PARP9: variants seen among roughly 807,000 people sequenced by gnomAD.
PARP9 encodes the protein protein mono-ADP-ribosyltransferase PARP9.
PARP9 carries 48 observed loss-of-function variants against 68.8 expected under a neutral mutation model. The ratio of observed to expected loss-of-function variants is 0.70; its 90% CI spans 0.55 to 0.89. The LOEUF (loss-of-function observed/expected upper bound fraction) is 0.89, where lower values mean the gene tolerates loss of function less well. Among genes scored for constraint, PARP9 ranks in the 40% least tolerant of loss-of-function variants. The pLI is 0.00. For synonymous variants in PARP9, 309 were observed against 333.8 expected (o/e 0.93, Z 0.81); for missense variants, 806 against 969.3 (o/e 0.83, Z 2.24).
chr3:122,546,461 C>CCT (rs1486162602), intron 6 of PARP9, among the ~76,000 whole-genome samples: 6 of 152,292 alleles, frequency 3.9e-5, no homozygotes, highest in Middle Eastern at 3.4e-3. Flanking sequence ...TATAAGTGTT[C>CCT]TGAACATGTT....
At chr3:122,539,830 C>G (rs79738615) in intron 8 of PARP9, among the ~76,000 whole-genome samples, 1 of 152,186 alleles carries the variant, frequency 6.6e-6, no homozygotes, top group Admixed American at 6.5e-5. Context: ...TCCCAAAGTG[C>G]CGGGATTACA....
intron 5 of PARP9, among the ~76,000 whole-genome samples, chr3:122,551,444 T>C (rs1043438169): frequency 3.9e-5 from 6 of 152,198 alleles, no homozygotes; most frequent in African/African-American, 9.6e-5. Flanking sequence ...TAAGTTTCCC[T>C]CTTTTCACCA....
chr3:122,543,886 C>G (rs759538194), intron 7 of PARP9, among the ~76,000 whole-genome samples: 17 of 152,248 alleles, frequency 1.1e-4, no homozygotes, highest in Non-Finnish European at 4.4e-5. Flanking sequence ...GCTGGGATTA[C>G]AGGCTTGAGC....
intron 1 of PARP9, among the ~76,000 whole-genome samples, chr3:122,560,294 T>G (rs373809813): frequency 1.3e-5 from 2 of 152,322 alleles, no homozygotes; most frequent in East Asian, 3.9e-4. Context: ...AGATTATGAA[T>G]TTTTAGAAGA....
rs528165145 is a variant in PARP9 at position 122,533,870 on chromosome 3, G to C, written c.2080+2298C>G. Reference sequence around the variant, plus strand: ...GTGGGTGGCCATCTAAATTGACTGAGAGTCCTATAATTTGGAATATTGCAC... The same window carrying C: ...GTGGGTGGCCATCTAAATTGACTGACAGTCCTATAATTTGGAATATTGCAC... On this transcript the variant is annotated intron_variant, in intron 10 of 10. Transcript: ENST00000682323. The C allele has an allele frequency of 4.1e-6, 4 of 985,468 alleles. No individual in the cohort carries two copies. The East Asian group carries it at 4.5e-4, about 112-fold the overall frequency. 61.0% of individuals were successfully genotyped at this position (985,468 alleles called of 1,614,324 possible). A position where few individuals can be genotyped will look rare whatever the true frequency, so the allele number is the denominator to read the frequency against.
chr3:122,564,420 C>T, upstream of PARP9: 1 of 1,605,510 alleles, frequency 6.2e-7, no homozygotes, highest in Non-Finnish European at 8.5e-7. Context: ...TCCCGACGCG[C>T]AGAGCCATGG....
intron 10 of PARP9, chr3:122,535,306 C>T: frequency 1.0e-6 from 1 of 985,316 alleles, no homozygotes; most frequent in Middle Eastern, 5.2e-4. Flanking sequence ...ACATTTACCC[C>T]AAGTTTTGCC....
chr3:122,543,681 G>T (rs537584296), intron 7 of PARP9, among the ~76,000 whole-genome samples: 1 of 152,268 alleles, frequency 6.6e-6, no homozygotes, highest in East Asian at 1.9e-4. Flanking sequence ...CACAATCATG[G>T]CTCACTGCAG....
In PARP9 at chr3:122,559,603, T is replaced by A; in HGVS notation, c.15+3A>T. Reference sequence around the variant, plus strand: ...ATGACGTATACACATTTATGCTTTTTACCATGGAAAAGTCCATCCTCCAGG... The same window carrying A: ...ATGACGTATACACATTTATGCTTTTAACCATGGAAAAGTCCATCCTCCAGG... On this transcript the variant is annotated splice_donor_region_variant and intron_variant, in intron 2 of 10. Transcript: ENST00000682323. 6.3e-7 allele frequency: 1 copy of A among 1,591,314 alleles called. No homozygotes were observed. Among genetic ancestry groups the A allele is most frequent in the Non-Finnish European group, 8.6e-7 (1 of 1,168,830 alleles).
chr3:122,563,669 C>A (rs1447835284), intron 1 of PARP9, among the ~76,000 whole-genome samples: 4 of 152,112 alleles, frequency 2.6e-5, no homozygotes, highest in Admixed American at 2.6e-4. Context: ...GTGCTTCAGA[C>A]CACAGTGGTC....
rs1173582381 is a variant in PARP9 at position 122,528,563 on chromosome 3, A to G, written c.2261T>C (p.Ile754Thr). 3.7e-6 allele frequency: 6 copies of G among 1,614,064 alleles called. No homozygotes were observed. Among genetic ancestry groups the G allele is most frequent in the East Asian group, 2.2e-5 (1 of 44,894 alleles). Residue 754 changes from isoleucine to threonine, a missense_variant, in exon 11 of 11, where the codon ATA becomes ACA. By Grantham distance (89) the Ile-to-Thr change is moderately conservative. Transcript: ENST00000682323. ...GTCAACCACACTGTCATGACCATCT[A>G]TAGCTCCAGGACTCAGTGGTGGGGG... ...IVPPPLSPGAIDGHDSVVDNV... is the reference protein window; with the variant it reads ...IVPPPLSPGATDGHDSVVDNV...
intron 7 of PARP9, among the ~76,000 whole-genome samples, chr3:122,544,454 C>T (rs980868781): frequency 6.6e-6 from 1 of 152,060 alleles, no homozygotes; most frequent in Non-Finnish European, 1.5e-5. Context: ...CAGTTCCAGG[C>T]CAGAACTGTT....
chr3:122,530,976 A>T (rs1220237900), intron 10 of PARP9, among the ~76,000 whole-genome samples: 2 of 152,296 alleles, frequency 1.3e-5, no homozygotes, highest in African/African-American at 2.4e-5. Context: ...ATTTTAAAAC[A>T]TTTTTTTAAA....
intron 1 of PARP9, among the ~76,000 whole-genome samples, chr3:122,562,299 C>T (rs886077880): frequency 1.3e-5 from 2 of 151,978 alleles, no homozygotes; most frequent in Admixed American, 6.6e-5. Flanking sequence ...TCTGCTGCCT[C>T]AGCCTCCCTA....
chr3:122,556,141 T>TAAAAA lies in PARP9; in HGVS notation c.50-25_50-21dup, dbSNP rs745677021. 1.4e-3 allele frequency: 303 copies of TAAAAA among 209,400 alleles called. 5 individuals are homozygous for TAAAAA. Among genetic ancestry groups the TAAAAA allele is most frequent in the Non-Finnish European group, 1.6e-3 (206 of 129,322 alleles). The allele number at this position is 209,400 out of a possible 1,614,324, so 13.0% of individuals were successfully genotyped here. ...CAGTCTCTGGAAAAGAAGAGAAGATTAAAAAAAAAAAAAAAAAAAAAAAAA... is the reference window on the plus strand; with the variant it reads ...CAGTCTCTGGAAAAGAAGAGAAGATTAAAAAAAAAAAAAAAAAAAAAAAAAAAAAA... On this transcript the variant is annotated intron_variant, in intron 3 of 10. Coordinates refer to ENST00000682323, the MANE Select transcript of PARP9 (RefSeq NM_001146105.2).
intron 2 of PARP9, among the ~76,000 whole-genome samples, chr3:122,558,689 C>T (rs755049363): frequency 5.3e-5 from 8 of 151,978 alleles, no homozygotes; most frequent in East Asian, 1.9e-4. Context: ...CCCTAGGGGC[C>T]GATGCATTTC....
intron 3 of PARP9, among the ~76,000 whole-genome samples, chr3:122,556,406 G>A (rs1444815759): frequency 6.6e-6 from 1 of 152,172 alleles, no homozygotes; most frequent in East Asian, 1.9e-4. Context: ...ATGCAGTGAT[G>A]ATGGTAGGAA....
chr3:122,561,432 G>C (rs903353967), intron 1 of PARP9, among the ~76,000 whole-genome samples: 2 of 151,696 alleles, frequency 1.3e-5, no homozygotes, highest in Non-Finnish European at 2.9e-5. Flanking sequence ...ACTCCAGCCT[G>C]GGCAAGAGGA....
chr3:122,558,502 G>C (rs1313494289), intron 2 of PARP9, 35 bp from the exon 3 acceptor site: 2 of 1,610,890 alleles, frequency 1.2e-6, no homozygotes, highest in South Asian at 2.2e-5. Context: ...TTAAAAAATG[G>C]AAGTGGAATG....
Sources: gnomAD v4.1 joint callset for allele counts (sites outside exome capture counted in the v4.1 genomes callset) on GRCh38, gnomAD v4.1.1 for gene constraint, MANE v1.5 for transcripts, NCBI Gene and HGNC (gene_info 2026-07-23, HGNC 2026-07-21) for gene names.